Variants in ATG7 observed in about 807,000 individuals in gnomAD.
The protein encoded by ATG7 is autophagy related 7, also known as ubiquitin-like modifier-activating enzyme ATG7.
A neutral mutation model predicts 82.4 loss-of-function variants in ATG7; 70 were observed. The observed-to-expected ratio is 0.85, with a 90% CI of 0.70 to 1.04. The LOEUF is 1.04. Among genes scored for constraint, ATG7 ranks in the 50% least tolerant of loss-of-function variants. The pLI is 0.00. For synonymous variants in ATG7, 287 were observed against 313.0 expected, an observed-to-expected ratio of 0.92 and a Z score of 0.88; for missense variants, 792 against 864.3, an observed-to-expected ratio of 0.92 and a Z score of 1.05.
intron 19 of ATG7, among the ~76,000 whole-genome samples, chr3:11,399,235 C>G (rs546013267): frequency 6.6e-6 from 1 of 152,250 alleles, no homozygotes; most frequent in African/African-American, 2.4e-5. Flanking sequence ...ATAGTCCCAG[C>G]TACTCAGGAG....
Position 11,422,740 on chromosome 3 carries a change from C to CTTTTTTTTTTTTTTTTTTTTTTTTTT in ATG7, c.1957-4060_1957-4035dup, listed in dbSNP as rs557755646. Reference sequence around the variant, plus strand: ...CCTCACTATGCTTAATCATTTCTAGCTTTTTTTTTTTTTTTTTTTTTTTTT... The same window carrying CTTTTTTTTTTTTTTTTTTTTTTTTTT: ...CCTCACTATGCTTAATCATTTCTAGCTTTTTTTTTTTTTTTTTTTTTTTTTTTTTTTTTTTTTTTTTTTTTTTTTTT... On this transcript the variant is annotated intron_variant, in intron 19 of 20. Coordinates refer to ENST00000693202, the MANE Select transcript of ATG7 (RefSeq NM_001349232.2). Among the ~76,000 whole-genome samples the CTTTTTTTTTTTTTTTTTTTTTTTTTT allele has an allele frequency of 4.0e-5, 2 of 49,546 alleles. 1 individual carries two copies. The allele number at this position is 49,546 out of a possible 152,430, so 32.5% of individuals were successfully genotyped here. A position where few individuals can be genotyped will look rare whatever the true frequency, so the allele number is the denominator to read the frequency against.
the ATG7 span, chr3:11,564,942 G>A: frequency 1.3e-6 from 2 of 1,581,378 alleles, no homozygotes; most frequent in Non-Finnish European, 1.7e-6. Flanking sequence ...GCTCATGGTG[G>A]GGGCCACAGC....
chr3:11,562,054 C>T (rs1374285041), downstream of ATG7, among the ~76,000 whole-genome samples: 12 of 152,168 alleles, frequency 7.9e-5, no homozygotes, highest in South Asian at 2.1e-4. Flanking sequence ...CCCACCACCA[C>T]GCCTGGCTAA....
intron 20 of ATG7, among the ~76,000 whole-genome samples, chr3:11,432,535 T>C (rs1191568928): frequency 6.6e-6 from 1 of 151,874 alleles, no homozygotes; most frequent in Non-Finnish European, 1.5e-5. Flanking sequence ...AAAAGACATA[T>C]TGGGTGCTGT....
intron 20 of ATG7, among the ~76,000 whole-genome samples, chr3:11,471,749 T>TTTTTC (rs1291953930): frequency 5.9e-5 from 8 of 136,322 alleles, no homozygotes; most frequent in African/African-American, 2.1e-4. Flanking sequence ...AGATTTCTTT[T>TTTTTC]TTTTTTTTTT....
chr3:11,466,821 T>C (rs758712571), intron 20 of ATG7, among the ~76,000 whole-genome samples: 9 of 152,122 alleles, frequency 5.9e-5, no homozygotes, highest in African/African-American at 9.7e-5. Flanking sequence ...ATGTCCTAAA[T>C]GGAGGGACTT....
At chr3:11,428,918 G>A (rs2082604496) in intron 20 of ATG7, among the ~76,000 whole-genome samples, 1 of 152,166 alleles carries the variant, frequency 6.6e-6, no homozygotes, top group Admixed American at 6.5e-5. Flanking sequence ...ATTTTAGTTG[G>A]TCAAACCTTA....
chr3:11,303,510 A>C (rs961777045), intron 5 of ATG7, among the ~76,000 whole-genome samples: 17 of 151,592 alleles, frequency 1.1e-4, no homozygotes, highest in Non-Finnish European at 2.1e-4. Flanking sequence ...TCTACTAAAA[A>C]CACAAAAAAT....
chr3:11,289,665 T>C (rs1280941315), intron 3 of ATG7, among the ~76,000 whole-genome samples: 1 of 152,164 alleles, frequency 6.6e-6, no homozygotes, highest in African/African-American at 2.4e-5. Flanking sequence ...TCGAGCTATC[T>C]TCCTACCTCA....
intron 18 of ATG7, among the ~76,000 whole-genome samples, chr3:11,378,907 T>G (rs1176603085): frequency 6.6e-6 from 1 of 151,946 alleles, no homozygotes; most frequent in African/African-American, 2.4e-5. Context: ...GTTAATAGGA[T>G]GGCTAAACGG....
intron 18 of ATG7, among the ~76,000 whole-genome samples, chr3:11,374,935 G>A (rs2077293827): frequency 6.8e-6 from 1 of 147,234 alleles, no homozygotes; most frequent in Admixed American, 6.8e-5. Context: ...TGGGCATGGT[G>A]GCTCATGCCT....
chr3:11,399,123 G>A (rs6789482), intron 19 of ATG7, among the ~76,000 whole-genome samples: 31,559 of 152,110 alleles, frequency 0.21, 3,732 homozygotes, highest in South Asian at 0.35. Flanking sequence ...TGAGATAGGC[G>A]GATCACTTAA....
chr3:11,507,659 G>T (rs980059216), intron 20 of ATG7, among the ~76,000 whole-genome samples: 4 of 151,984 alleles, frequency 2.6e-5, no homozygotes, highest in Non-Finnish European at 4.4e-5. Flanking sequence ...GTTTTTGTTT[G>T]TCCTTCCAAA....
intron 20 of ATG7, among the ~76,000 whole-genome samples, chr3:11,533,791 A>G (rs918796012): frequency 6.6e-6 from 1 of 152,218 alleles, no homozygotes; most frequent in African/African-American, 2.4e-5. Context: ...AGAGAAACAG[A>G]AAAGAGTAAA....
intron 7 of ATG7, among the ~76,000 whole-genome samples, chr3:11,309,747 G>A (rs2152712882): frequency 6.6e-6 from 1 of 152,204 alleles, no homozygotes; most frequent in Non-Finnish European, 1.5e-5. Flanking sequence ...ACACACAGAT[G>A]TGTGTATATA....
At chr3:11,537,408 C>G (rs116059077) in intron 20 of ATG7, among the ~76,000 whole-genome samples, 1 of 152,180 alleles carries the variant, frequency 6.6e-6, no homozygotes, top group Non-Finnish European at 1.5e-5. Flanking sequence ...AGGGCAGGGA[C>G]GGACGCACCT....
chr3:11,397,929 C>T (rs1290945513), intron 19 of ATG7, among the ~76,000 whole-genome samples: 2 of 151,014 alleles, frequency 1.3e-5, no homozygotes, highest in Non-Finnish European at 3.0e-5. Flanking sequence ...CTAAAAAATA[C>T]AAAAATTAGC....
chr3:11,562,105 C>G (rs2073073795), downstream of ATG7, among the ~76,000 whole-genome samples: 1 of 151,990 alleles, frequency 6.6e-6, no homozygotes, highest in Non-Finnish European at 1.5e-5. Flanking sequence ...ACCATGTTGG[C>G]CAGGCTGGTC....
At chr3:11,553,527 G>T (rs1369389762) in intron 20 of ATG7, among the ~76,000 whole-genome samples, 1 of 152,178 alleles carries the variant, frequency 6.6e-6, no homozygotes, top group Non-Finnish European at 1.5e-5. Flanking sequence ...CAGCTCCCCT[G>T]CCCTGCACTG....
Sources: gnomAD v4.1 joint callset for allele counts (sites outside exome capture counted in the v4.1 genomes callset) on GRCh38, gnomAD v4.1.1 for gene constraint, MANE v1.5 for transcripts, NCBI Gene and HGNC (gene_info 2026-07-23, HGNC 2026-07-21) for gene names.